Variants in SMARCC1 observed in about 807,000 individuals in gnomAD.
The protein encoded by SMARCC1 is SWI/SNF complex subunit SMARCC1.
In SMARCC1, 43 loss-of-function variants were observed where a neutral mutation model predicts 147.4. That is an observed-to-expected ratio of 0.29 (90% CI 0.23 to 0.38). The LOEUF is 0.38. Among genes scored for constraint, SMARCC1 ranks in the 10% least tolerant of loss-of-function variants. The probability of loss-of-function intolerance (pLI) is 1.00; values close to 1 mark genes in which losing one functional copy is unlikely to be tolerated. For synonymous variants in SMARCC1, 495 were observed against 484.4 expected, an observed-to-expected ratio of 1.02 and a Z score of -0.29; for missense variants, 1,119 against 1,381.1, an observed-to-expected ratio of 0.81 and a Z score of 3.01.
At chr3:47,757,424 A>G (rs1237769421) in intron 2 of SMARCC1, among the ~76,000 whole-genome samples, 3 of 152,148 alleles carry the variant, frequency 2.0e-5, no homozygotes, top group Non-Finnish European at 4.4e-5. Flanking sequence ...CCACAAATCT[A>G]CTAAATAACC....
intron 11 of SMARCC1, among the ~76,000 whole-genome samples, chr3:47,699,411 T>C (rs962738496): frequency 1.3e-5 from 2 of 152,164 alleles, no homozygotes; most frequent in African/African-American, 2.4e-5. Flanking sequence ...ACCTTCAGCG[T>C]TAGTGCTTTA....
At chr3:47,712,458 AACTACT>A (rs1014859285) in intron 8 of SMARCC1, among the ~76,000 whole-genome samples, 1 of 152,132 alleles carries the variant, frequency 6.6e-6, no homozygotes, top group Non-Finnish European at 1.5e-5. Context: ...ATAATCCTTT[AACTACT>A]GAGAAATCCT....
chr3:47,678,167 TA>T, intron 16 of SMARCC1, 30 bp downstream of exon 16: 1 of 1,294,330 alleles, frequency 7.7e-7, no homozygotes, highest in South Asian at 1.3e-5. Context: ...TTCCTACAGT[TA>T]AATGTCTCAG....
chr3:47,704,506 T>C (rs2033966198), intron 10 of SMARCC1, among the ~76,000 whole-genome samples: 1 of 152,198 alleles, frequency 6.6e-6, no homozygotes, highest in Admixed American at 6.5e-5. Flanking sequence ...CTTGGTTCAA[T>C]AACCACTGGT....
At chr3:47,676,838 A>T (rs1160167843) in intron 16 of SMARCC1, 56 bp from the exon 17 acceptor site, 1 of 1,465,536 alleles carries the variant, frequency 6.8e-7, no homozygotes, top group Non-Finnish European at 9.5e-7. Flanking sequence ...ATGTGCTTTT[A>T]CTATCATCAT....
chr3:47,713,640 G>T (rs931363811), intron 8 of SMARCC1, among the ~76,000 whole-genome samples: 2 of 151,554 alleles, frequency 1.3e-5, no homozygotes, highest in Admixed American at 1.3e-4. Flanking sequence ...CAATCCTCCT[G>T]CCTTAGCCTC....
intron 25 of SMARCC1, among the ~76,000 whole-genome samples, chr3:47,617,355 G>A (rs556568560): frequency 6.6e-6 from 1 of 152,332 alleles, no homozygotes; most frequent in South Asian, 2.1e-4. Flanking sequence ...TCTTGCTTAT[G>A]GCTTCCTCAC....
At chr3:47,670,347 G>A in intron 19 of SMARCC1, 1 of 328,234 alleles carries the variant, frequency 3.0e-6, no homozygotes, top group Non-Finnish European at 5.6e-6. Context: ...AACTTTGGGA[G>A]GCCAAGGTGG....
chr3:47,607,321 T>C (rs73831515), intron 26 of SMARCC1, among the ~76,000 whole-genome samples: 3,133 of 152,306 alleles, frequency 0.021, 103 homozygotes, highest in African/African-American at 0.072. Flanking sequence ...AAAGTAAACT[T>C]AGCCCTGTTT....
intron 21 of SMARCC1, among the ~76,000 whole-genome samples, chr3:47,659,391 C>T (rs963546110): frequency 6.7e-6 from 1 of 150,028 alleles, no homozygotes; most frequent in Non-Finnish European, 1.5e-5. Context: ...AAACTATAAA[C>T]AATATATGAA....
chr3:47,725,372 A>G (rs141868795), intron 6 of SMARCC1, among the ~76,000 whole-genome samples: 144 of 152,184 alleles, frequency 9.5e-4, no homozygotes, highest in Middle Eastern at 6.8e-3. Context: ...AGTGATGAAA[A>G]CATTTTGAAA....
intron 12 of SMARCC1, among the ~76,000 whole-genome samples, chr3:47,690,400 A>C (rs766532108): frequency 4.6e-5 from 7 of 152,220 alleles, no homozygotes; most frequent in Non-Finnish European, 7.3e-5. Flanking sequence ...GTGTCTCTGA[A>C]AAGGTGGCCT....
At chr3:47,729,364 A>G (rs1317542451) in intron 5 of SMARCC1, among the ~76,000 whole-genome samples, 1 of 152,166 alleles carries the variant, frequency 6.6e-6, no homozygotes, top group Non-Finnish European at 1.5e-5. Context: ...GGGTATCCAT[A>G]TCAGTAATAT....
chr3:47,725,132 GTGT>G (rs1316258377), intron 6 of SMARCC1, among the ~76,000 whole-genome samples: 3 of 147,824 alleles, frequency 2.0e-5, no homozygotes, highest in Non-Finnish European at 4.5e-5. Context: ...TAAATGTTAT[GTGT>G]TTTTTACCAC....
At chr3:47,639,446 G>T (rs1033916295) in intron 21 of SMARCC1, among the ~76,000 whole-genome samples, 1 of 152,146 alleles carries the variant, frequency 6.6e-6, no homozygotes, top group South Asian at 2.1e-4. Context: ...AGGCATGGCC[G>T]CTCATGCCTG....
At chr3:47,704,304 T>C (rs1238311626) in intron 10 of SMARCC1, among the ~76,000 whole-genome samples, 1 of 152,166 alleles carries the variant, frequency 6.6e-6, no homozygotes, top group African/African-American at 2.4e-5. Context: ...TCAAAATATT[T>C]TCTAAGTATA....
chr3:47,774,707 C>A (rs1336869140), intron 1 of SMARCC1, among the ~76,000 whole-genome samples: 3 of 152,028 alleles, frequency 2.0e-5, no homozygotes, highest in Admixed American at 6.6e-5. Flanking sequence ...CTGTGCCCAG[C>A]CAATTTTAAA....
At chr3:47,644,007 C>T (rs542664222) in intron 21 of SMARCC1, among the ~76,000 whole-genome samples, 3 of 152,032 alleles carry the variant, frequency 2.0e-5, no homozygotes, top group Admixed American at 6.6e-5. Flanking sequence ...AGCAACAAAG[C>T]GAGATTCCAT....
At chr3:47,597,400 T>C (rs2032304486) in intron 26 of SMARCC1, among the ~76,000 whole-genome samples, 1 of 151,968 alleles carries the variant, frequency 6.6e-6, no homozygotes, top group African/African-American at 2.4e-5. Flanking sequence ...TGGAGTGCAG[T>C]GGTGCAATCT....
Sources: gnomAD v4.1 joint callset for allele counts (sites outside exome capture counted in the v4.1 genomes callset) on GRCh38, gnomAD v4.1.1 for gene constraint, MANE v1.5 for transcripts, NCBI Gene and HGNC (gene_info 2026-07-23, HGNC 2026-07-21) for gene names.